Variants in ARHGAP32 observed in about 807,000 individuals in gnomAD.
ARHGAP32 encodes the protein rho GTPase-activating protein 32.
In ARHGAP32, 51 loss-of-function variants were observed where a neutral mutation model predicts 186.5. The ratio of observed to expected loss-of-function variants is 0.27; its 90% CI spans 0.22 to 0.35. ARHGAP32 has a LOEUF of 0.35. Ranked by LOEUF, ARHGAP32 falls within the 10% of genes least tolerant of loss-of-function variation. The probability of loss-of-function intolerance (pLI) is 1.00; values close to 1 mark genes in which losing one functional copy is unlikely to be tolerated. For synonymous variants in ARHGAP32, 950 were observed against 964.3 expected (o/e 0.99, Z 0.27); for missense variants, 2,186 against 2,623.5 (o/e 0.83, Z 3.64).
chr11:129,173,082 A>G (rs1368089057), intron 1 of ARHGAP32, among the ~76,000 whole-genome samples: 10 of 152,136 alleles, frequency 6.6e-5, no homozygotes, highest in African/African-American at 2.4e-4. Flanking sequence ...TAGACTAACA[A>G]AGAAGAGAGA....
chr11:129,130,145 CAAAT>C (rs1344985087), intron 2 of ARHGAP32, among the ~76,000 whole-genome samples: 20 of 152,102 alleles, frequency 1.3e-4, no homozygotes, highest in African/African-American at 3.9e-4. Context: ...TAAGGATAAA[CAAAT>C]GAATGAAATA....
At position 128,970,153 on chromosome 11, in the gene ARHGAP32, T is replaced by C. The variant is rs759791782; in HGVS notation, c.5060A>G (p.Tyr1687Cys). Residue 1687 changes from tyrosine to cysteine, a missense_variant, in exon 23 of 23, where the codon TAT becomes TGT. Tyr to Cys is a radical substitution (Grantham distance 194, BLOSUM62 -2). Coordinates refer to ENST00000682385, the MANE Select transcript of ARHGAP32 (RefSeq NM_001378024.1). The surrounding 1 kb of genome is among the most constrained non-coding windows in gnomAD (Gnocchi z 5.8). Reference sequence around the variant, plus strand: ...AAGGGGTCTCAACTGGACTGTGCCATAGGCATCCACATCACACAGGGCCCC... The same window carrying C: ...AAGGGGTCTCAACTGGACTGTGCCACAGGCATCCACATCACACAGGGCCCC... The part of the protein sequence containing the change: ...PDGALCDVDA[Y>C]GTVQLRPLHR... The C allele has an allele frequency of 5.0e-6, 8 of 1,614,160 alleles. No homozygotes were observed. Among genetic ancestry groups the C allele is most frequent in the East Asian group, 4.5e-5 (2 of 44,876 alleles).
At chr11:129,234,143 A>C (rs1944894943) in intron 1 of ARHGAP32, among the ~76,000 whole-genome samples, 1 of 152,144 alleles carries the variant, frequency 6.6e-6, no homozygotes, top group Non-Finnish European at 1.5e-5. Context: ...GGCTATTGCA[A>C]TAATTCAAAG....
At chr11:129,040,825 T>C in intron 11 of ARHGAP32, 103 bp downstream of exon 11, 2 of 742,924 alleles carry the variant, frequency 2.7e-6, no homozygotes, top group South Asian at 1.9e-5. Context: ...ATTATGCCTA[T>C]AAATGCAAAA....
intron 2 of ARHGAP32, among the ~76,000 whole-genome samples, chr11:129,156,560 A>T (rs930446680): frequency 6.6e-6 from 1 of 152,170 alleles, no homozygotes; most frequent in Non-Finnish European, 1.5e-5. Context: ...TGTCTGTAAG[A>T]AAGGCAGCAG....
At chr11:129,144,822 A>C (rs1463064711) in intron 2 of ARHGAP32, among the ~76,000 whole-genome samples, 1 of 152,178 alleles carries the variant, frequency 6.6e-6, no homozygotes, top group African/African-American at 2.4e-5. Context: ...GTTGCCTTAA[A>C]CTTCACTTCT....
At chr11:129,216,245 C>G (rs545274785) in intron 1 of ARHGAP32, among the ~76,000 whole-genome samples, 25 of 152,174 alleles carry the variant, frequency 1.6e-4, no homozygotes, top group Admixed American at 4.6e-4. Context: ...GATTCGGATG[C>G]GGACATATTT....
intron 2 of ARHGAP32, among the ~76,000 whole-genome samples, chr11:129,157,742 ACTC>A (rs1943439838): frequency 6.6e-6 from 1 of 152,112 alleles, no homozygotes; most frequent in Non-Finnish European, 1.5e-5. Flanking sequence ...CCACAAAGAT[ACTC>A]CTCGAGAAAA....
intron 5 of ARHGAP32, among the ~76,000 whole-genome samples, chr11:129,120,104 A>T (rs183525535): frequency 6.6e-6 from 1 of 152,092 alleles, no homozygotes; most frequent in African/African-American, 2.4e-5. Flanking sequence ...AATCCTCCCC[A>T]AAAGACAATG....
At chr11:129,185,681 A>AT (rs903561814) in intron 1 of ARHGAP32, among the ~76,000 whole-genome samples, 2 of 152,152 alleles carry the variant, frequency 1.3e-5, no homozygotes, top group Non-Finnish European at 2.9e-5. Context: ...GAATGGGTGA[A>AT]TAAAAGAGTT....
At chr11:129,023,986 C>T (rs369656295) in intron 11 of ARHGAP32, 4 of 985,404 alleles carry the variant, frequency 4.1e-6, no homozygotes, top group Non-Finnish European at 4.8e-6. Context: ...AAATCATAAT[C>T]CAACTGGTTC....
At chr11:129,248,364 G>A (rs368528851) in intron 1 of ARHGAP32, among the ~76,000 whole-genome samples, 2 of 151,974 alleles carry the variant, frequency 1.3e-5, no homozygotes, top group Non-Finnish European at 2.9e-5. Context: ...ACTTCCTTGC[G>A]ATGCGATGCA....
intron 1 of ARHGAP32, among the ~76,000 whole-genome samples, chr11:129,202,648 T>C (rs912151648): frequency 1.3e-5 from 2 of 152,210 alleles, no homozygotes; most frequent in Admixed American, 6.5e-5. Context: ...ATTTCCCTTC[T>C]AAATGTTTCC....
At chr11:129,065,520 A>C (rs1940657857) in intron 7 of ARHGAP32, among the ~76,000 whole-genome samples, 1 of 152,164 alleles carries the variant, frequency 6.6e-6, no homozygotes, top group African/African-American at 2.4e-5. Flanking sequence ...GCCATGTTTT[A>C]GGATAATCTG....
intron 6 of ARHGAP32, among the ~76,000 whole-genome samples, chr11:129,075,690 G>A (rs1030603259): frequency 9.9e-5 from 15 of 152,058 alleles, no homozygotes; most frequent in Non-Finnish European, 1.6e-4. Context: ...TAACAACAAC[G>A]GATTACACAT....
At chr11:129,272,207 T>G (rs938850814) in intron 1 of ARHGAP32, among the ~76,000 whole-genome samples, 1 of 152,188 alleles carries the variant, frequency 6.6e-6, no homozygotes, top group Non-Finnish European at 1.5e-5. Context: ...ATTTAAGGCA[T>G]CAGTAGCTCA....
rs985457008 is a variant in ARHGAP32, at chr11:129,123,970, A to G, written c.318-41T>C. On this transcript the variant is annotated intron_variant, in intron 3 of 22. Coordinates refer to ENST00000682385, the MANE Select transcript of ARHGAP32 (RefSeq NM_001378024.1). The surrounding 1 kb of genome is among the most constrained non-coding windows in gnomAD (Gnocchi z 4.6). ...ACATTTTTATCCTTGTCTTTCCTCT[A>G]CTTACACATGAAGCATAACTATCTA... 4 of 1,269,602 alleles carry G rather than the reference A, an allele frequency of 3.2e-6. No homozygotes were observed. The highest frequency in any genetic ancestry group is 3.1e-6 in the Non-Finnish European group (3 of 972,646). 78.6% of individuals were successfully genotyped at this position (1,269,602 alleles called of 1,614,324 possible). A position where few individuals can be genotyped will look rare whatever the true frequency, so the allele number is the denominator to read the frequency against.
intron 1 of ARHGAP32, among the ~76,000 whole-genome samples, chr11:129,236,941 G>A (rs1000878744): frequency 1.3e-5 from 2 of 152,180 alleles, no homozygotes; most frequent in African/African-American, 4.8e-5. Flanking sequence ...CAATTTTGCT[G>A]AGGGTTTTCA....
At chr11:129,240,245 A>G (rs1798645167) in intron 1 of ARHGAP32, among the ~76,000 whole-genome samples, 1 of 152,014 alleles carries the variant, frequency 6.6e-6, no homozygotes, top group South Asian at 2.1e-4. Flanking sequence ...CAAGATAGCT[A>G]TTACTGCAGA....
Sources: gnomAD v4.1 joint callset for allele counts (sites outside exome capture counted in the v4.1 genomes callset) on GRCh38, gnomAD v4.1.1 for gene constraint, Gnocchi (gnomAD v3.1) non-coding constraint, MANE v1.5 for transcripts, NCBI Gene and HGNC (gene_info 2026-07-23, HGNC 2026-07-21) for gene names.